Variants in PDSS2 observed in about 807,000 individuals in gnomAD.
PDSS2 encodes decaprenyl diphosphate synthase subunit 2.
In PDSS2, 31 loss-of-function variants were observed where a neutral mutation model predicts 44.5. The observed-to-expected ratio is 0.70, with a 90% CI of 0.52 to 0.94. The LOEUF (loss-of-function observed/expected upper bound fraction) is 0.94. Among genes scored for constraint, PDSS2 ranks in the 40% least tolerant of loss-of-function variants. The pLI is 0.00. For synonymous variants in PDSS2, 157 were observed against 180.3 expected, an observed-to-expected ratio of 0.87 and a Z score of 1.03; for missense variants, 452 against 482.2, an observed-to-expected ratio of 0.94 and a Z score of 0.59.
At chr6:107,174,939 G>A (rs758785238) in intron 7 of PDSS2, among the ~76,000 whole-genome samples, 1 of 152,160 alleles carries the variant, frequency 6.6e-6, no homozygotes, top group Admixed American at 6.5e-5. Context: ...TCTTGGCCAG[G>A]TGTGGTGGTT....
At chr6:107,455,309 T>C (rs763176442) in intron 1 of PDSS2, among the ~76,000 whole-genome samples, 4 of 151,074 alleles carry the variant, frequency 2.6e-5, no homozygotes, top group Non-Finnish European at 4.4e-5. Context: ...GTTCTCAGAA[T>C]ATACACATTA....
chr6:107,274,822 G>A (rs977463718), intron 2 of PDSS2, among the ~76,000 whole-genome samples: 6 of 151,816 alleles, frequency 4.0e-5, no homozygotes, highest in Non-Finnish European at 7.4e-5. Context: ...ACAGGTGTGC[G>A]ACACCAAGCC....
intron 7 of PDSS2, among the ~76,000 whole-genome samples, chr6:107,169,865 G>A (rs539126643): frequency 3.9e-5 from 6 of 152,228 alleles, no homozygotes; most frequent in South Asian, 2.1e-4. Context: ...GTACCCGGCC[G>A]TGTGAGGTGT....
chr6:107,254,035 CTTTT>C (rs72372732), intron 3 of PDSS2, among the ~76,000 whole-genome samples: 2 of 132,438 alleles, frequency 1.5e-5, no homozygotes. Context: ...TTCTTTCTTT[CTTTT>C]TTTTTTTTTT....
At chr6:107,445,344 G>T (rs1276964894) in intron 1 of PDSS2, among the ~76,000 whole-genome samples, 4 of 151,934 alleles carry the variant, frequency 2.6e-5, no homozygotes, top group African/African-American at 9.7e-5. Flanking sequence ...CACATACCTG[G>T]GCCATCCAGC....
At chr6:107,246,207 CA>C (rs1279933822) in intron 3 of PDSS2, among the ~76,000 whole-genome samples, 1 of 148,538 alleles carries the variant, frequency 6.7e-6, no homozygotes, top group African/African-American at 2.5e-5. Context: ...TATTATTTTT[CA>C]AGGCTGAGAC....
At position 107,421,326 on chromosome 6, in the gene PDSS2, A is replaced by G. The variant is rs538311460; in HGVS notation, c.296+37664T>C. On this transcript the variant is annotated intron_variant, in intron 1 of 7. Transcript: ENST00000369037. ...CATACACTTACCATACAACCCAACAATCACACTCCCAAGCTTTTATCTTAA... is the reference window on the plus strand; with the variant it reads ...CATACACTTACCATACAACCCAACAGTCACACTCCCAAGCTTTTATCTTAA... Among the ~76,000 whole-genome samples, 22 of 152,264 alleles carry G rather than the reference A, an allele frequency of 1.4e-4. No homozygotes were observed. In the East Asian group the frequency reaches 4.1e-3, roughly 28 times the overall value.
intron 6 of PDSS2, among the ~76,000 whole-genome samples, chr6:107,194,449 A>G (rs1442916897): frequency 6.6e-6 from 1 of 152,240 alleles, no homozygotes; most frequent in African/African-American, 2.4e-5. Flanking sequence ...TGAGAAGACA[A>G]GGATAGCTGT....
chr6:107,171,232 G>A (rs1771563699), intron 7 of PDSS2, among the ~76,000 whole-genome samples: 1 of 152,108 alleles, frequency 6.6e-6, no homozygotes, highest in South Asian at 2.1e-4. Flanking sequence ...CAAGATCATA[G>A]TTCACTGTAG....
chr6:107,397,180 ATTTT>A (rs10534330), intron 1 of PDSS2, among the ~76,000 whole-genome samples: 2 of 147,692 alleles, frequency 1.4e-5, no homozygotes. Context: ...GGGTCCTGAG[ATTTT>A]TTTTTTTTTT....
intron 1 of PDSS2, among the ~76,000 whole-genome samples, chr6:107,346,393 T>A (rs1778249622): frequency 6.6e-6 from 1 of 152,238 alleles, no homozygotes; most frequent in South Asian, 2.1e-4. Flanking sequence ...ATTTTGTTGA[T>A]CAGGATACTG....
intron 4 of PDSS2, among the ~76,000 whole-genome samples, chr6:107,244,082 C>T (rs1318918451): frequency 2.6e-5 from 4 of 152,104 alleles, no homozygotes; most frequent in Non-Finnish European, 4.4e-5. Context: ...GAGCCGAGAT[C>T]GTGCCATTGC....
intron 5 of PDSS2, among the ~76,000 whole-genome samples, 155 bp downstream of exon 5, chr6:107,211,954 T>C (rs1582793050): frequency 6.6e-6 from 1 of 152,312 alleles, no homozygotes; most frequent in East Asian, 1.9e-4. Context: ...AATTATACTA[T>C]TTACATTACA....
chr6:107,443,150 G>A (rs1781560550), intron 1 of PDSS2, among the ~76,000 whole-genome samples: 1 of 152,310 alleles, frequency 6.6e-6, no homozygotes, highest in Non-Finnish European at 1.5e-5. Flanking sequence ...TTAACTAGCT[G>A]CTGAAAGAAG....
intron 1 of PDSS2, among the ~76,000 whole-genome samples, chr6:107,426,962 ATGAGT>A (rs1781025349): frequency 6.6e-6 from 1 of 152,144 alleles, no homozygotes; most frequent in Non-Finnish European, 1.5e-5. Flanking sequence ...TAATGCTGAA[ATGAGT>A]TAAGACTTTG....
intron 1 of PDSS2, among the ~76,000 whole-genome samples, chr6:107,456,181 C>T (rs1484132272): frequency 6.6e-6 from 1 of 152,102 alleles, no homozygotes; most frequent in Non-Finnish European, 1.5e-5. Flanking sequence ...ATTAGCCAGG[C>T]ATGGTGGCGG....
chr6:107,187,384 G>A (rs1340998832), intron 7 of PDSS2, among the ~76,000 whole-genome samples: 1 of 152,164 alleles, frequency 6.6e-6, no homozygotes, highest in Non-Finnish European at 1.5e-5. Flanking sequence ...TACTCTTAAG[G>A]CCCGGTGTGG....
chr6:107,301,638 C>G (rs940331419), intron 2 of PDSS2, among the ~76,000 whole-genome samples: 4 of 151,700 alleles, frequency 2.6e-5, no homozygotes, highest in African/African-American at 9.7e-5. Context: ...TTAAAAATTC[C>G]AAACACTTGA....
chr6:107,154,731 T>G lies in PDSS2; in HGVS notation c.1088A>C (p.Asp363Ala). ...KAGKGVTSAIDLCRYHGNKAL... is the reference protein window; with the variant it reads ...KAGKGVTSAIALCRYHGNKAL... ...CTTGTTTCCATGGTAACGACACAGG[T>G]CAATAGCTGAAGTCACACCTTTGCC... Residue 363 changes from aspartate (D) to alanine (A), a missense_variant, in exon 8 of 8, where the codon GAC becomes GCC. Coordinates refer to ENST00000369037, the MANE Select transcript of PDSS2 (RefSeq NM_020381.4). 6.2e-7 allele frequency: 1 copy of G among 1,614,106 alleles called. No individual in the cohort carries two copies. The highest frequency in any genetic ancestry group is 8.5e-7 in the Non-Finnish European group (1 of 1,179,972).
Sources: allele counts gnomAD v4.1 joint callset (sites outside exome capture counted in the v4.1 genomes callset), GRCh38; gene constraint gnomAD v4.1.1; transcripts MANE v1.5; gene names NCBI Gene and HGNC (gene_info 2026-07-23, HGNC 2026-07-21).